BCKDHB: variants seen among roughly 807,000 people sequenced by gnomAD.
BCKDHB encodes branched chain keto acid dehydrogenase E1 subunit beta.
Under a neutral mutation model 48.5 loss-of-function variants are expected in BCKDHB, and 41 were observed. That is an observed-to-expected ratio of 0.85 (90% CI 0.66 to 1.10). BCKDHB has a LOEUF of 1.10. BCKDHB is among the 50% of genes least tolerant of loss of function. BCKDHB has a pLI of 0.00. For missense variants in BCKDHB, 496 were observed against 494.2 expected, an observed-to-expected ratio of 1.00 and a Z score of -0.03; for synonymous variants, 201 against 174.8, an observed-to-expected ratio of 1.15 and a Z score of -1.18.
the BCKDHB span, among the ~76,000 whole-genome samples, chr6:80,405,782 A>G: frequency 3.3e-5 from 5 of 152,132 alleles, no homozygotes; most frequent in African/African-American, 1.2e-4. Flanking sequence ...TAACAATTTA[A>G]TACTGATAGC....
rs538390588 is a variant in BCKDHB, at chr6:80,246,065, G to A, written c.952-27070G>A. On this transcript the variant is annotated intron_variant, in intron 8 of 9. Transcript: ENST00000320393. ...CACTCCAATGTGTGTGACAGAGTGA[G>A]ACCCTATCTCACTAAATAAATAAAT... Among the ~76,000 whole-genome samples, 24 of 152,264 alleles carry A rather than the reference G, an allele frequency of 1.6e-4. No individual in the cohort carries two copies. The South Asian group carries it at 5.0e-3, about 32-fold the overall frequency.
chr6:80,161,902 A>G (rs769498482), intron 3 of BCKDHB, among the ~76,000 whole-genome samples: 2 of 152,150 alleles, frequency 1.3e-5, no homozygotes, highest in Non-Finnish European at 2.9e-5. Context: ...TGATTCTTAA[A>G]AGCCACGGAT....
At chr6:80,410,161 G>A in the BCKDHB span, among the ~76,000 whole-genome samples, 1 of 152,090 alleles carries the variant, frequency 6.6e-6, no homozygotes, top group African/African-American at 2.4e-5. Context: ...AAATCTCTCA[G>A]CAATTGCGTG....
intron 9 of BCKDHB, among the ~76,000 whole-genome samples, chr6:80,330,923 G>A (rs1290044771): frequency 6.6e-6 from 1 of 152,152 alleles, no homozygotes; most frequent in Non-Finnish European, 1.5e-5. Flanking sequence ...TTTTGAAACT[G>A]AAGTACAGTG....
the BCKDHB span, among the ~76,000 whole-genome samples, chr6:80,453,520 G>C: frequency 1.3e-5 from 2 of 152,234 alleles, no homozygotes; most frequent in East Asian, 3.8e-4. Context: ...GGTCCTATGT[G>C]TCTGGGCCTC....
chr6:80,415,406 G>A, the BCKDHB span, among the ~76,000 whole-genome samples: 1 of 152,232 alleles, frequency 6.6e-6, no homozygotes, highest in East Asian at 1.9e-4. Context: ...GTTGGCTGTG[G>A]TTTTGTCATA....
At chr6:80,270,238 T>TATC (rs1777679303) in intron 8 of BCKDHB, among the ~76,000 whole-genome samples, 1 of 152,126 alleles carries the variant, frequency 6.6e-6, no homozygotes, top group Non-Finnish European at 1.5e-5. Context: ...TGACTGAAAG[T>TATC]ATCAGTCTTC....
chr6:80,371,688 T>C, the BCKDHB span, among the ~76,000 whole-genome samples: 1 of 152,138 alleles, frequency 6.6e-6, no homozygotes, highest in Non-Finnish European at 1.5e-5. Context: ...TCCAGTTTCA[T>C]TCTTCTACAT....
At chr6:80,109,231 C>A (rs763491873) in intron 1 of BCKDHB, among the ~76,000 whole-genome samples, 18 of 152,102 alleles carry the variant, frequency 1.2e-4, no homozygotes, top group African/African-American at 1.4e-4. Flanking sequence ...AATAATAATA[C>A]CTACTTCAGA....
At chr6:80,394,864 T>C in the BCKDHB span, among the ~76,000 whole-genome samples, 11 of 152,168 alleles carry the variant, frequency 7.2e-5, no homozygotes, top group Non-Finnish European at 1.5e-4. Flanking sequence ...AATTGAATTA[T>C]GGCGTTGGTT....
chr6:80,356,273 C>T, the BCKDHB span: 1 of 152,172 alleles, frequency 6.6e-6, no homozygotes, highest in African/African-American at 2.4e-5. Context: ...CCCAGCTTGG[C>T]TTACTCTTCT....
At chr6:80,160,216 G>C (rs1475997170) in intron 3 of BCKDHB, among the ~76,000 whole-genome samples, 1 of 152,030 alleles carries the variant, frequency 6.6e-6, no homozygotes, top group Non-Finnish European at 1.5e-5. Context: ...CAATGCAGTG[G>C]TGTGATCTTG....
intron 8 of BCKDHB, among the ~76,000 whole-genome samples, chr6:80,271,074 A>G (rs886866104): frequency 4.6e-5 from 7 of 152,056 alleles, no homozygotes; most frequent in African/African-American, 1.7e-4. Context: ...GGGAGAAACT[A>G]TTTTTGATAT....
At chr6:80,225,308 A>G (rs1355616024) in intron 8 of BCKDHB, among the ~76,000 whole-genome samples, 1 of 152,118 alleles carries the variant, frequency 6.6e-6, no homozygotes, top group African/African-American at 2.4e-5. Flanking sequence ...TATACTTTCT[A>G]TACTTCTGTT....
At chr6:80,165,481 T>A (rs1284354677) in intron 3 of BCKDHB, among the ~76,000 whole-genome samples, 1 of 152,170 alleles carries the variant, frequency 6.6e-6, no homozygotes, top group African/African-American at 2.4e-5. Context: ...ATGATTAAGC[T>A]AAAAGTGAAT....
chr6:80,337,134 G>C (rs183930789), intron 9 of BCKDHB, among the ~76,000 whole-genome samples: 25 of 152,186 alleles, frequency 1.6e-4, no homozygotes, highest in Non-Finnish European at 3.1e-4. Context: ...TGATTCAAGA[G>C]ACCAGAATCA....
At chr6:80,181,663 T>C (rs1165390764) in intron 6 of BCKDHB, among the ~76,000 whole-genome samples, 1 of 152,194 alleles carries the variant, frequency 6.6e-6, no homozygotes, top group Non-Finnish European at 1.5e-5. Context: ...GGCTCAAGCT[T>C]GTTCACCTGG....
the BCKDHB span, among the ~76,000 whole-genome samples, chr6:80,392,646 T>G: frequency 6.6e-6 from 1 of 151,834 alleles, no homozygotes; most frequent in African/African-American, 2.4e-5. Flanking sequence ...ATTGATTTTC[T>G]TGTAATTTTT....
At chr6:80,457,505 T>C in the BCKDHB span, among the ~76,000 whole-genome samples, 2 of 152,200 alleles carry the variant, frequency 1.3e-5, no homozygotes, top group Non-Finnish European at 2.9e-5. Context: ...CCTGTCTGTT[T>C]GGGTGAGTCA....
Sources: gnomAD v4.1 joint callset for allele counts (sites outside exome capture counted in the v4.1 genomes callset) on GRCh38, gnomAD v4.1.1 for gene constraint, MANE v1.5 for transcripts, NCBI Gene and HGNC (gene_info 2026-07-23, HGNC 2026-07-21) for gene names.